The following ST3GAL3 variants were observed in gnomAD, a reference collection of about 807,000 sequenced individuals.
ST3GAL3 encodes ST3 beta-galactoside alpha-2,3-sialyltransferase 3.
In ST3GAL3, 21 loss-of-function variants were observed where a neutral mutation model predicts 50.1. The ratio of observed to expected loss-of-function variants is 0.42; its 90% confidence interval spans 0.30 to 0.60. The LOEUF is 0.60. Among genes scored for constraint, ST3GAL3 ranks in the 20% least tolerant of loss-of-function variants. ST3GAL3 has a pLI of 0.19. For missense variants in ST3GAL3, 353 were observed against 489.4 expected, an observed-to-expected ratio of 0.72 and a Z score of 2.63; for synonymous variants, 183 against 190.0, an observed-to-expected ratio of 0.96 and a Z score of 0.30.
At chr1:43,708,781 AAAAAT>A (rs1662938742) in intron 1 of ST3GAL3, among the ~76,000 whole-genome samples, 1 of 152,224 alleles carries the variant, frequency 6.6e-6, no homozygotes, top group Non-Finnish European at 1.5e-5. Flanking sequence ...ATGGTTTAAT[AAAAAT>A]AAAATGTTAA....
chr1:43,898,188 G>C (rs370830524), intron 6 of ST3GAL3, 47 bp from the exon 7 acceptor site: 41 of 1,598,704 alleles, frequency 2.6e-5, no homozygotes, highest in Non-Finnish European at 3.4e-5. Flanking sequence ...ACATTTTATA[G>C]AAAGGTAAGT....
intron 4 of ST3GAL3, among the ~76,000 whole-genome samples, chr1:43,823,555 C>G (rs906585855): frequency 6.6e-6 from 1 of 152,174 alleles, no homozygotes; most frequent in African/African-American, 2.4e-5. Flanking sequence ...AAAATCATAG[C>G]CCCATCCCCT....
chr1:43,930,783 G>C lies in ST3GAL3; in HGVS notation c.*562G>C, dbSNP rs1352721639. The C allele has an allele frequency of 1.0e-5, 2 of 199,304 alleles. No individual in the cohort carries two copies. Among genetic ancestry groups the C allele is most frequent in the Non-Finnish European group, 2.1e-5 (2 of 95,512 alleles). 12.3% of individuals were successfully genotyped at this position (199,304 alleles called of 1,614,324 possible). ...CCCCCTCCAGCTCATGACACTGTTT[G>C]GCCTTTCTTGGGGAGAAGGCGGGGT... On this transcript the variant is annotated 3_prime_UTR_variant, in exon 12 of 12. Transcript: ENST00000347631.
intron 5 of ST3GAL3, among the ~76,000 whole-genome samples, chr1:43,877,342 C>T (rs2074309271): frequency 6.6e-6 from 1 of 152,164 alleles, no homozygotes; most frequent in Admixed American, 6.5e-5. Context: ...CACGTGGGTG[C>T]AGGGTCTTCT....
intron 1 of ST3GAL3, among the ~76,000 whole-genome samples, chr1:43,722,934 C>T (rs1239255482): frequency 6.6e-6 from 1 of 152,128 alleles, no homozygotes; most frequent in Non-Finnish European, 1.5e-5. Flanking sequence ...TTTGTTCTCT[C>T]CAAATTTAAT....
At chr1:43,709,110 G>C (rs571911212) in intron 1 of ST3GAL3, among the ~76,000 whole-genome samples, 1 of 152,286 alleles carries the variant, frequency 6.6e-6, no homozygotes, top group Admixed American at 6.5e-5. Context: ...ATGAAGAGTG[G>C]GTAGCCGGCT....
intron 5 of ST3GAL3, chr1:43,894,034 T>G: frequency 2.8e-6 from 1 of 358,224 alleles, no homozygotes; most frequent in Non-Finnish European, 5.4e-6. Flanking sequence ...GTTCCCAGAT[T>G]GCAGGAACAG....
intron 9 of ST3GAL3, among the ~76,000 whole-genome samples, chr1:43,903,690 G>T (rs1436248776): frequency 1.3e-5 from 2 of 152,188 alleles, no homozygotes; most frequent in Non-Finnish European, 2.9e-5. Flanking sequence ...GGATCTAAGA[G>T]GCCAGCCAAG....
chr1:43,877,559 G>A (rs1026151100), intron 5 of ST3GAL3, among the ~76,000 whole-genome samples: 9 of 152,184 alleles, frequency 5.9e-5, no homozygotes, highest in African/African-American at 2.2e-4. Context: ...TTGAGCCTAG[G>A]TGCCAGTAGG....
chr1:43,829,867 T>G (rs1428402572), intron 4 of ST3GAL3, among the ~76,000 whole-genome samples: 1 of 151,948 alleles, frequency 6.6e-6, no homozygotes, highest in African/African-American at 2.4e-5. Context: ...TTTTTGAGAG[T>G]AGGAACCAAA....
chr1:43,832,941 G>A (rs1232436510), intron 4 of ST3GAL3, among the ~76,000 whole-genome samples: 2 of 152,182 alleles, frequency 1.3e-5, no homozygotes, highest in Non-Finnish European at 2.9e-5. Flanking sequence ...TGTCCCCCTA[G>A]CATGGTAACA....
intron 5 of ST3GAL3, among the ~76,000 whole-genome samples, chr1:43,888,928 A>T (rs2076329839): frequency 6.6e-6 from 1 of 152,168 alleles, no homozygotes; most frequent in Non-Finnish European, 1.5e-5. Context: ...ACTTTTAGGA[A>T]TCTATTTCAA....
Position 43,736,386 on chromosome 1 carries a change from T to C in ST3GAL3, c.118+6T>C, listed in dbSNP as rs771733014. ...CCAGTGGGAGGAGGACTCCAGTAAG[T>C]ATAGTCACTCTAGCTCACCCCAGGA... On this transcript the variant is annotated splice_donor_region_variant and intron_variant, in intron 2 of 11. Coordinates refer to ENST00000347631, the MANE Select transcript of ST3GAL3 (RefSeq NM_006279.5). The C allele has an allele frequency of 5.0e-6, 8 of 1,614,046 alleles. No homozygotes were observed. The highest frequency in any genetic ancestry group is 1.7e-5 in the Admixed American group (1 of 60,008).
At chr1:43,729,138 G>A (rs1674470774) in intron 1 of ST3GAL3, among the ~76,000 whole-genome samples, 1 of 142,376 alleles carries the variant, frequency 7.0e-6, no homozygotes, top group Non-Finnish European at 1.5e-5. Flanking sequence ...CACCCAGGCT[G>A]GAGTGCAGTG....
At position 43,858,356 on chromosome 1, in the gene ST3GAL3, T is replaced by A. The variant is rs945145276; in HGVS notation, c.302+20045T>A. The A allele has an allele frequency of 3.3e-6, 4 of 1,226,822 alleles. No individual in the cohort carries two copies. The African/African-American group carries it at 6.2e-5, about 19-fold the overall frequency. The allele number at this position is 1,226,822 out of a possible 1,614,324, so 76.0% of individuals were successfully genotyped here. ...AGACACACTGGTGGGGGCAGCTTCC[T>A]CCTTTGCAGACCAGTTCCAGGCTCC... On this transcript the variant is annotated intron_variant, in intron 5 of 11. Coordinates refer to ENST00000347631, the MANE Select transcript of ST3GAL3 (RefSeq NM_006279.5).
intron 5 of ST3GAL3, among the ~76,000 whole-genome samples, chr1:43,867,054 C>T (rs994980837): frequency 3.3e-5 from 5 of 152,152 alleles, no homozygotes; most frequent in South Asian, 2.1e-4. Context: ...CGCTTCAACC[C>T]GGGAGGCAGA....
chr1:43,898,426 A>G (rs1277148144), intron 7 of ST3GAL3, 128 bp downstream of exon 7: 2 of 949,052 alleles, frequency 2.1e-6, no homozygotes, highest in Non-Finnish European at 3.3e-6. Flanking sequence ...CATACAGTAC[A>G]CACACAGGGT....
chr1:43,812,785 A>C (rs920932762), intron 3 of ST3GAL3, among the ~76,000 whole-genome samples: 3 of 152,190 alleles, frequency 2.0e-5, no homozygotes, highest in Non-Finnish European at 2.9e-5. Flanking sequence ...TTAATGAAAG[A>C]GAGAAAACAA....
chr1:43,783,518 C>T (rs967161483), intron 2 of ST3GAL3, among the ~76,000 whole-genome samples: 6 of 152,212 alleles, frequency 3.9e-5, no homozygotes, highest in Admixed American at 3.9e-4. Context: ...TCAGACTGTG[C>T]CCTATTCAGT....
Sources: allele counts gnomAD v4.1 joint callset (sites outside exome capture counted in the v4.1 genomes callset), GRCh38; gene constraint gnomAD v4.1.1; transcripts MANE v1.5; gene names NCBI Gene and HGNC (gene_info 2026-07-23, HGNC 2026-07-21).